The following SNX31 variants were observed in gnomAD, a reference collection of about 807,000 sequenced individuals.
The protein encoded by SNX31 is sorting nexin-31.
In SNX31, 58 loss-of-function variants were observed where a neutral mutation model predicts 65.4. That is an observed-to-expected ratio of 0.89 (90% CI 0.72 to 1.10). SNX31 has a LOEUF of 1.10. Among genes scored for constraint, SNX31 ranks in the 50% least tolerant of loss-of-function variants. SNX31 has a pLI of 0.00. For missense variants in SNX31, 523 were observed against 529.7 expected, an observed-to-expected ratio of 0.99 and a Z score of 0.12; for synonymous variants, 181 against 190.1, an observed-to-expected ratio of 0.95 and a Z score of 0.39.
intron 11 of SNX31, among the ~76,000 whole-genome samples, chr8:100,585,920 AGTT>A (rs1009066548): frequency 5.3e-5 from 8 of 152,256 alleles, no homozygotes; most frequent in Admixed American, 2.0e-4. Context: ...AAAAGGATCG[AGTT>A]GTTGTTTTTT....
chr8:100,621,431 G>C (rs1038723201), intron 4 of SNX31, among the ~76,000 whole-genome samples: 2 of 152,150 alleles, frequency 1.3e-5, no homozygotes, highest in Admixed American at 1.3e-4. Context: ...ACTGGCAACA[G>C]GTAAGAAATA....
At chr8:100,600,246 T>A in intron 9 of SNX31, 103 bp downstream of exon 9, 2 of 927,898 alleles carry the variant, frequency 2.2e-6, no homozygotes, top group Non-Finnish European at 1.7e-6. Flanking sequence ...AGAGCCCCAC[T>A]TTTAGTGCTT....
chr8:100,615,284 C>G (rs917420068), intron 5 of SNX31, among the ~76,000 whole-genome samples: 1 of 152,182 alleles, frequency 6.6e-6, no homozygotes, highest in Non-Finnish European at 1.5e-5. Flanking sequence ...ATGGACAAAA[C>G]AGATGGTACC....
chr8:100,585,312 A>G (rs117963789), intron 11 of SNX31, among the ~76,000 whole-genome samples: 3,006 of 152,286 alleles, frequency 0.02, 64 homozygotes, highest in Non-Finnish European at 0.032. Flanking sequence ...GGTTTGGGAC[A>G]ACTGCCAATC....
At chr8:100,641,954 C>G (rs1177507625) in intron 2 of SNX31, among the ~76,000 whole-genome samples, 1 of 151,872 alleles carries the variant, frequency 6.6e-6, no homozygotes, top group Admixed American at 6.6e-5. Context: ...TGGCAGGTGC[C>G]TGTAGTCCCA....
At chr8:100,636,782 C>T (rs1418500795) in intron 2 of SNX31, among the ~76,000 whole-genome samples, 1 of 151,992 alleles carries the variant, frequency 6.6e-6, no homozygotes, top group Non-Finnish European at 1.5e-5. Context: ...AGTGCAATGG[C>T]TCAATCTTGG....
At position 100,614,830 on chromosome 8, in the gene SNX31, G is replaced by A. The variant is rs1037042454; in HGVS notation, c.433-1745C>T. ...GGAGGCAGAGGTTGCAGTGAGCCAAGATTGTACCATTGCATTCCAGCCTAG... is the reference window on the plus strand; with the variant it reads ...GGAGGCAGAGGTTGCAGTGAGCCAAAATTGTACCATTGCATTCCAGCCTAG... On this transcript the variant is annotated intron_variant, in intron 5 of 13. Coordinates refer to ENST00000311812, the MANE Select transcript of SNX31 (RefSeq NM_152628.4). The surrounding 1 kb of genome is among the most constrained non-coding windows in gnomAD (Gnocchi z 5.1). Among the ~76,000 whole-genome samples, 11 of 152,298 alleles carry A rather than the reference G, an allele frequency of 7.2e-5. No individual in the cohort carries two copies. The South Asian group carries it at 2.3e-3, about 32-fold the overall frequency.
intron 4 of SNX31, among the ~76,000 whole-genome samples, chr8:100,621,301 C>G (rs1486619121): frequency 1.3e-5 from 2 of 152,194 alleles, no homozygotes; most frequent in African/African-American, 4.8e-5. Flanking sequence ...GTGATAACTG[C>G]AGCACTCTTT....
intron 3 of SNX31, among the ~76,000 whole-genome samples, chr8:100,635,439 C>T (rs1209019481): frequency 6.6e-6 from 1 of 150,634 alleles, no homozygotes; most frequent in Non-Finnish European, 1.5e-5. Flanking sequence ...CAGGATCTCT[C>T]TATGTTGCTC....
In SNX31 at chr8:100,613,115, AAGTT is replaced by A. The variant is rs1816860095; in HGVS notation, c.433-34_433-31del. ...AACCAGAAACAAGCAGAAAGGGAAA[AAGTT>A]AGGTGTGCCCACCATGCATCCTAAC... is the stretch of plus-strand genomic sequence containing the variant. On this transcript the variant is annotated intron_variant, in intron 5 of 13. Transcript: ENST00000311812. The surrounding 1 kb of genome is among the most constrained non-coding windows in gnomAD (Gnocchi z 5.2). 6.3e-7 allele frequency: 1 copy of A among 1,583,216 alleles called. No individual in the cohort carries two copies. The highest frequency in any genetic ancestry group is 1.3e-5 in the African/African-American group (1 of 74,358).
At position 100,629,987 on chromosome 8, in the gene SNX31, C is replaced by T. The variant is rs1352206844; in HGVS notation, c.321+340G>A. On this transcript the variant is annotated intron_variant, in intron 4 of 13. Transcript: ENST00000311812. This position sits in a 1 kb window ranked among gnomAD's most constrained non-coding sequence, Gnocchi z 5.1. Reference sequence around the variant, plus strand: ...CAGGGTCACAGACATGTTATGGGAACCCTTAATGATAAAGGCTGTAGTTCT... The same window carrying T: ...CAGGGTCACAGACATGTTATGGGAATCCTTAATGATAAAGGCTGTAGTTCT... Among the ~76,000 whole-genome samples the T allele has an allele frequency of 6.6e-6, 1 of 152,172 alleles. No homozygotes were observed. Among genetic ancestry groups the T allele is most frequent in the Non-Finnish European group, 1.5e-5 (1 of 68,038 alleles).
chr8:100,597,487 C>T (rs912251790), intron 9 of SNX31, among the ~76,000 whole-genome samples: 2 of 152,216 alleles, frequency 1.3e-5, no homozygotes, highest in African/African-American at 4.8e-5. Context: ...TCGTGATCCA[C>T]CTGCCTGAGC....
intron 8 of SNX31, among the ~76,000 whole-genome samples, chr8:100,607,177 C>T (rs1422766683): frequency 1.3e-5 from 2 of 152,194 alleles, no homozygotes; most frequent in African/African-American, 4.8e-5. Flanking sequence ...CTGTGACCCA[C>T]CACCCTGCCT....
At chr8:100,584,346 C>G (rs538569234) in intron 11 of SNX31, among the ~76,000 whole-genome samples, 158 bp from the exon 12 acceptor site, 1 of 152,198 alleles carries the variant, frequency 6.6e-6, no homozygotes, top group South Asian at 2.1e-4. Context: ...TTCATAAGAT[C>G]CAATTAGTAA....
At chr8:100,592,164 A>C (rs1814645453) in intron 10 of SNX31, among the ~76,000 whole-genome samples, 1 of 152,230 alleles carries the variant, frequency 6.6e-6, no homozygotes, top group Non-Finnish European at 1.5e-5. Flanking sequence ...ACTGCTATTT[A>C]AAGTATGTTC....
intron 4 of SNX31, among the ~76,000 whole-genome samples, chr8:100,624,137 A>G (rs990828634): frequency 1.3e-5 from 2 of 152,154 alleles, no homozygotes; most frequent in Non-Finnish European, 2.9e-5. Context: ...CATCACAGTC[A>G]GTGGATAGGG....
At position 100,629,728 on chromosome 8, in the gene SNX31, A is replaced by G. The variant is rs1190830515; in HGVS notation, c.321+599T>C. ...TGTTTCCTTATGTGTCATTAGAATG[A>G]GTGTTGTGCTAAACAAACGTACTTA... On this transcript the variant is annotated intron_variant, in intron 4 of 13. Transcript: ENST00000311812. This position sits in a 1 kb window ranked among gnomAD's most constrained non-coding sequence, Gnocchi z 5.1. Among the ~76,000 whole-genome samples, 5 of 152,228 alleles carry G rather than the reference A, an allele frequency of 3.3e-5. No individual in the cohort carries two copies. Among genetic ancestry groups the G allele is most frequent in the Non-Finnish European group, 5.9e-5 (4 of 68,042 alleles).
chr8:100,653,163 A>T (rs1369226178), upstream of SNX31, among the ~76,000 whole-genome samples: 1 of 152,178 alleles, frequency 6.6e-6, no homozygotes, highest in Non-Finnish European at 1.5e-5. Flanking sequence ...TGGGATGTGT[A>T]TCTTTCTCTG....
At position 100,626,525 on chromosome 8, in the gene SNX31, T is replaced by C. The variant is rs1392024977; in HGVS notation, c.321+3802A>G. Among the ~76,000 whole-genome samples, 1 of 152,092 alleles carries C rather than the reference T, an allele frequency of 6.6e-6. No individual in the cohort carries two copies. On this transcript the variant is annotated intron_variant, in intron 4 of 13. Transcript: ENST00000311812. This position sits in a 1 kb window ranked among gnomAD's most constrained non-coding sequence, Gnocchi z 4.4. Reference sequence around the variant, plus strand: ...ATTAGGCCTTAGGGTAGCATGTTCATAAGAAAGTGCTCAGAAACAAGAAAC... The same window carrying C: ...ATTAGGCCTTAGGGTAGCATGTTCACAAGAAAGTGCTCAGAAACAAGAAAC...
Sources: gnomAD v4.1 joint callset for allele counts (sites outside exome capture counted in the v4.1 genomes callset) on GRCh38, gnomAD v4.1.1 for gene constraint, Gnocchi (gnomAD v3.1) non-coding constraint, MANE v1.5 for transcripts, NCBI Gene and HGNC (gene_info 2026-07-23, HGNC 2026-07-21) for gene names.